Variants in HMCN1 observed in about 807,000 individuals in gnomAD.
HMCN1 encodes hemicentin 1.
Under a neutral mutation model 625.9 loss-of-function variants are expected in HMCN1, and 321 were observed. The observed-to-expected ratio is 0.51, with a 90% confidence interval of 0.47 to 0.56. HMCN1 has a LOEUF of 0.56. HMCN1 is among the 20% of genes least tolerant of loss of function. The probability of loss-of-function intolerance (pLI) is 0.00; values close to 1 mark genes in which losing one functional copy is unlikely to be tolerated. For missense variants in HMCN1, 6,588 were observed against 6,887.3 expected (o/e 0.96, Z 1.54); for synonymous variants, 2,425 against 2,417.6 (o/e 1.00, Z -0.09).
chr1:185,977,508 T>A (rs796163061), intron 15 of HMCN1, among the ~76,000 whole-genome samples: 2 of 152,162 alleles, frequency 1.3e-5, no homozygotes, highest in South Asian at 4.1e-4. Flanking sequence ...AGTGAAAGAT[T>A]CTCTTTATTT....
intron 72 of HMCN1, among the ~76,000 whole-genome samples, chr1:186,113,500 G>A (rs4233125): frequency 0.62 from 94,108 of 152,070 alleles, 30,925 homozygotes; most frequent in African/African-American, 0.86. Context: ...AATTCAGGCT[G>A]TCTATTCCCA....
chr1:186,117,211 A>T (rs1298336473), intron 76 of HMCN1, 96 bp downstream of exon 76: 75 of 1,429,818 alleles, frequency 5.2e-5, no homozygotes, highest in Non-Finnish European at 6.4e-5. Flanking sequence ...TTTTTTTTTT[A>T]AACATTTATT....
At chr1:185,889,355 G>T (rs1388197040) in intron 4 of HMCN1, among the ~76,000 whole-genome samples, 2 of 146,668 alleles carry the variant, frequency 1.4e-5, no homozygotes, top group Non-Finnish European at 3.0e-5. Context: ...TGTTGAATAG[G>T]AGTGGTGAGA....
intron 5 of HMCN1, 149 bp from the exon 6 acceptor site, chr1:185,911,525 T>C: frequency 1.4e-6 from 1 of 725,234 alleles, no homozygotes; most frequent in Non-Finnish European, 2.5e-6. Flanking sequence ...TAAAGACTCT[T>C]TGGGTTAGTT....
chr1:186,158,197 A>G (rs60302994), intron 97 of HMCN1, among the ~76,000 whole-genome samples: 8,933 of 147,250 alleles, frequency 0.061, 564 homozygotes, highest in African/African-American at 0.19. Flanking sequence ...GCCAGTGATG[A>G]TGAGCATTTT....
At chr1:185,737,321 A>C (rs1653656596) in intron 1 of HMCN1, among the ~76,000 whole-genome samples, 1 of 151,456 alleles carries the variant, frequency 6.6e-6, no homozygotes, top group Non-Finnish European at 1.5e-5. Flanking sequence ...CTGACTAATT[A>C]TTTTTTTCAT....
intron 1 of HMCN1, among the ~76,000 whole-genome samples, chr1:185,822,149 G>A (rs1660225904): frequency 6.6e-6 from 1 of 152,094 alleles, no homozygotes; most frequent in Non-Finnish European, 1.5e-5. Context: ...CTATACATTT[G>A]TCCAAACCCA....
chr1:185,758,824 G>GT (rs530147918), intron 1 of HMCN1, among the ~76,000 whole-genome samples: 7 of 151,448 alleles, frequency 4.6e-5, no homozygotes, highest in East Asian at 1.9e-4. Flanking sequence ...TTTTCATGCA[G>GT]TTTTTTTTAA....
intron 75 of HMCN1, 85 bp downstream of exon 75, chr1:186,115,499 A>C: frequency 1.6e-6 from 2 of 1,248,248 alleles, no homozygotes; most frequent in Non-Finnish European, 2.3e-6. Flanking sequence ...GGGGTCAGCA[A>C]ATATATAGAC....
chr1:186,166,447 A>G, intron 99 of HMCN1, 144 bp downstream of exon 99: 1 of 1,028,772 alleles, frequency 9.7e-7, no homozygotes, highest in Non-Finnish European at 1.4e-6. Flanking sequence ...CATTGGGCTG[A>G]GAAAGTAAGA....
At position 185,787,139 on chromosome 1, in the gene HMCN1, GTA is replaced by G. The variant is rs1270927091; in HGVS notation, c.268+52094_268+52095del. Among the ~76,000 whole-genome samples the G allele has an allele frequency of 1.4e-3, 187 of 138,080 alleles. 1 individual carries two copies. The highest frequency in any genetic ancestry group is 4.7e-3 in the African/African-American group (161 of 34,402). 90.6% of individuals were successfully genotyped at this position (138,080 alleles called of 152,430 possible). On this transcript the variant is annotated intron_variant, in intron 1 of 106. Transcript: ENST00000271588. ...AGAAAATTGTATGAAGCGCCATGAT[GTA>G]TGTGTGTGTGTGTGTGTGTGTGTGT...
In HMCN1 at chr1:185,754,455, G is replaced by A. The variant is rs182676728; in HGVS notation, c.268+19408G>A. Among the ~76,000 whole-genome samples the A allele has an allele frequency of 7.6e-4, 115 of 151,868 alleles. 1 individual carries two copies. The highest frequency in any genetic ancestry group is 4.2e-4 in the South Asian group (2 of 4,802). Reference sequence around the variant, plus strand: ...TGGTCTTTGCTTTCCAAACATATACGTATTTTTTTTTTAATTGTTGAGACT... The same window carrying A: ...TGGTCTTTGCTTTCCAAACATATACATATTTTTTTTTTAATTGTTGAGACT... On this transcript the variant is annotated intron_variant, in intron 1 of 106. Coordinates refer to ENST00000271588, the MANE Select transcript of HMCN1 (RefSeq NM_031935.3).
chr1:185,743,598 C>T (rs1174397888), intron 1 of HMCN1, among the ~76,000 whole-genome samples: 2 of 152,184 alleles, frequency 1.3e-5, no homozygotes, highest in Non-Finnish European at 2.9e-5. Context: ...ACTGTGCAAC[C>T]AGAGGATCCA....
chr1:185,818,422 T>A (rs1659975283), intron 1 of HMCN1, among the ~76,000 whole-genome samples: 1 of 152,218 alleles, frequency 6.6e-6, no homozygotes, highest in Non-Finnish European at 1.5e-5. Context: ...ACTATTTGTA[T>A]GAATATTGGT....
Position 186,123,098 on chromosome 1 carries a change from G to A in HMCN1, c.12377G>A (p.Arg4126His), listed in dbSNP as rs141573564. 7.6e-5 allele frequency: 123 copies of A among 1,614,114 alleles called. No individual in the cohort carries two copies. In the African/African-American group the frequency reaches 8.4e-4, roughly 11 times the overall value. Residue 4126 changes from arginine (R) to histidine (H), a missense_variant, in exon 81 of 107, where the codon CGC becomes CAC. By Grantham distance (29) the Arg-to-His change is conservative. Transcript: ENST00000271588. ...GRAIVESIRQRVLSSGSLQIA... is the reference protein window; with the variant it reads ...GRAIVESIRQHVLSSGSLQIA... ...GCAATTGTGGAATCTATCCGCCAGC[G>A]CGTCCTCAGCTCTGGCTCTCTGCAA...
chr1:185,967,616 G>T (rs1231208041), intron 14 of HMCN1, among the ~76,000 whole-genome samples: 2 of 151,958 alleles, frequency 1.3e-5, no homozygotes, highest in Non-Finnish European at 2.9e-5. Flanking sequence ...AAACAGAGTA[G>T]AGTTAGGACC....
chr1:185,930,763 T>C (rs1667503398), intron 10 of HMCN1, among the ~76,000 whole-genome samples: 1 of 152,144 alleles, frequency 6.6e-6, no homozygotes, highest in Non-Finnish European at 1.5e-5. Flanking sequence ...TTTTATTGAA[T>C]ATAAACACAT....
Position 186,087,955 on chromosome 1 carries a change from A to G in HMCN1, c.9387A>G (p.Val3129=). 1.2e-6 allele frequency: 2 copies of G among 1,613,064 alleles called. No homozygotes were observed. Among genetic ancestry groups the G allele is most frequent in the South Asian group, 1.1e-5 (1 of 91,072 alleles). ...AGGTATCTGACACAGGCCAGTATGTATGTAGAGCTATAAATGTAGCAGGAC... is the reference window on the plus strand; with the variant it reads ...AGGTATCTGACACAGGCCAGTATGTGTGTAGAGCTATAAATGTAGCAGGAC... ...KAEVSDTGQY[V]CRAINVAGRD... Residue 3129 remains valine (V), a synonymous_variant, in exon 61 of 107, where the codon GTA becomes GTG. Transcript: ENST00000271588.
rs183298299 is a variant in HMCN1, at chr1:186,163,989, C to A, written c.15257-1122C>A. Among the ~76,000 whole-genome samples, 166 of 152,268 alleles carry A rather than the reference C, an allele frequency of 1.1e-3. 1 individual carries two copies. The highest frequency in any genetic ancestry group is 6.8e-3 in the Middle Eastern group (2 of 294). On this transcript the variant is annotated intron_variant, in intron 97 of 106. Coordinates refer to ENST00000271588, the MANE Select transcript of HMCN1 (RefSeq NM_031935.3). ...ATTTTTTCCACAATTATGTCCCCAG[C>A]AGTGTCCCACACAACATAACTGGTT...
Sources: allele counts gnomAD v4.1 joint callset (sites outside exome capture counted in the v4.1 genomes callset), GRCh38; gene constraint gnomAD v4.1.1; transcripts MANE v1.5; gene names NCBI Gene and HGNC (gene_info 2026-07-23, HGNC 2026-07-21).